The following TGM2 variants were observed in gnomAD, a reference collection of about 807,000 sequenced individuals.
The protein encoded by TGM2 is transglutaminase 2, also known as protein-glutamine gamma-glutamyltransferase 2.
In TGM2, 53 loss-of-function variants were observed where a neutral mutation model predicts 75.6. The observed-to-expected ratio is 0.70, with a 90% CI of 0.56 to 0.88. The LOEUF is 0.88. TGM2 is among the 40% of genes least tolerant of loss of function. TGM2 has a pLI of 0.00. For synonymous variants in TGM2, 374 were observed against 381.1 expected, an observed-to-expected ratio of 0.98 and a Z score of 0.22; for missense variants, 842 against 928.5, an observed-to-expected ratio of 0.91 and a Z score of 1.21.
At chr20:38,146,577 C>T (rs573974374) in intron 6 of TGM2, 140 bp downstream of exon 6, 2 of 1,022,682 alleles carry the variant, frequency 2.0e-6, no homozygotes, top group East Asian at 2.6e-5. Context: ...AGAGGGTGGT[C>T]ACAGGCTCTA....
intron 6 of TGM2, 85 bp downstream of exon 6, chr20:38,146,621 GGGGCAGGACCA>G: frequency 4.1e-6 from 6 of 1,463,186 alleles, no homozygotes; most frequent in Non-Finnish European, 5.7e-6. Context: ...TTGGTGGCAG[GGGGCAGGACCA>G]GGGCAGGGAT....
chr20:38,135,710 G>A (rs1483168869), intron 10 of TGM2, among the ~76,000 whole-genome samples: 2 of 152,248 alleles, frequency 1.3e-5, no homozygotes, highest in African/African-American at 4.8e-5. Context: ...AGGGACACAG[G>A]AACCCCCGAG....
rs142407300 is a variant in TGM2, at chr20:38,146,808, G to A, written c.768C>T (p.Gly256=). 32 of 1,613,888 alleles carry A rather than the reference G, an allele frequency of 2.0e-5. No homozygotes were observed. Among genetic ancestry groups the A allele is most frequent in the Non-Finnish European group, 2.5e-5 (30 of 1,179,972 alleles). The change falls in exon 6 of 13, where the codon GGC becomes GGT. Residue 256 remains glycine, a synonymous_variant. Coordinates refer to ENST00000361475, the MANE Select transcript of TGM2 (RefSeq NM_004613.4). ...TCCAGCGCCGCAGGATGTCCACGCTGCCGATCCAGGACATGGGGCTGACGC... is the reference window on the plus strand; with the variant it reads ...TCCAGCGCCGCAGGATGTCCACGCTACCGATCCAGGACATGGGGCTGACGC... ...GDGVSPMSWI[G]SVDILRRWKN...
chr20:38,147,025 A>C (rs2075054812), intron 5 of TGM2, 131 bp from the exon 6 acceptor site: 1 of 946,610 alleles, frequency 1.1e-6, no homozygotes, highest in Admixed American at 2.1e-5. Flanking sequence ...GAGCAGGTGC[A>C]AAGGGGCCAT....
rs1458111927 is a variant in TGM2, at chr20:38,128,135, G to C, written c.*2084C>G. The C allele has an allele frequency of 6.6e-6, 1 of 152,262 alleles. No individual in the cohort carries two copies. The highest frequency in any genetic ancestry group is 1.5e-5 in the Non-Finnish European group (1 of 68,088). 9.4% of individuals were successfully genotyped at this position (152,262 alleles called of 1,614,324 possible). A position where few individuals can be genotyped will look rare whatever the true frequency, so the allele number is the denominator to read the frequency against. ...GGTGACTTTGGTGTTAAGCATTATA[G>C]GATGAGTAGGAGTTTGCCAAGCAGG... On this transcript the variant is annotated 3_prime_UTR_variant, in exon 13 of 13. Coordinates refer to ENST00000361475, the MANE Select transcript of TGM2 (RefSeq NM_004613.4).
chr20:38,166,937 C>T (rs991407283), upstream of TGM2, among the ~76,000 whole-genome samples: 1 of 152,114 alleles, frequency 6.6e-6, no homozygotes, highest in Non-Finnish European at 1.5e-5. Flanking sequence ...GTCAAGAGGC[C>T]GGGGTTCAAG....
intron 2 of TGM2, among the ~76,000 whole-genome samples, chr20:38,161,048 G>A (rs1045944480): frequency 2.0e-5 from 3 of 151,954 alleles, no homozygotes; most frequent in African/African-American, 4.8e-5. Context: ...CAGGTGATCC[G>A]CCCTCCTCAG....
chr20:38,159,498 A>G (rs780275942), intron 2 of TGM2, among the ~76,000 whole-genome samples: 1 of 151,842 alleles, frequency 6.6e-6, no homozygotes, highest in Non-Finnish European at 1.5e-5. Context: ...ACGTGTACCC[A>G]TGAACCTAAA....
intron 3 of TGM2, among the ~76,000 whole-genome samples, chr20:38,155,605 C>G (rs938907758): frequency 2.6e-5 from 4 of 152,154 alleles, no homozygotes; most frequent in African/African-American, 7.2e-5. Context: ...TCCTCAGCCT[C>G]CCAAAGAACC....
At chr20:38,164,932 C>T (rs1405549692) in intron 1 of TGM2, among the ~76,000 whole-genome samples, 1 of 152,248 alleles carries the variant, frequency 6.6e-6, no homozygotes, top group Non-Finnish European at 1.5e-5. Flanking sequence ...TGCCAGTGGT[C>T]CGCCAGGACA....
At chr20:38,149,632 T>C (rs1263140094) in intron 4 of TGM2, among the ~76,000 whole-genome samples, 5 of 140,604 alleles carry the variant, frequency 3.6e-5, no homozygotes, top group Non-Finnish European at 7.5e-5. Context: ...TGAGCCGAGA[T>C]TGCACCACTG....
Position 38,143,072 on chromosome 20 carries a change from T to C in TGM2, c.860-873A>G, listed in dbSNP as rs374243371. Among the ~76,000 whole-genome samples the C allele has an allele frequency of 5.9e-5, 9 of 152,334 alleles. 1 individual carries two copies. Among genetic ancestry groups the C allele is most frequent in the African/African-American group, 2.2e-4 (9 of 41,584 alleles). On this transcript the variant is annotated intron_variant, in intron 6 of 12. Coordinates refer to ENST00000361475, the MANE Select transcript of TGM2 (RefSeq NM_004613.4). ...GGCCAGTGAGGGATCTGTCTTATGT[T>C]AGATCCTGGAGCCCAGCACAGGCCT...
At position 38,138,214 on chromosome 20, in the gene TGM2, C is replaced by A. The variant is rs1466294197; in HGVS notation, c.1514G>T (p.Cys505Phe). 1 of 1,610,864 alleles carries A rather than the reference C, an allele frequency of 6.2e-7. No individual in the cohort carries two copies. Among genetic ancestry groups the A allele is most frequent in the Admixed American group, 1.7e-5 (1 of 59,400 alleles). The change falls in exon 10 of 13, where the codon TGC (cysteine) becomes TTC (phenylalanine). Residue 505 changes from cysteine to phenylalanine, a missense_variant. Transcript: ENST00000361475. ...GGTGCGGGCACAGAGCAGGAGGCGG[C>A]AGACGTACTCCTCAGCGGTGTTGTT... Reference protein sequence around the residue: ...ITNNTAEEYVCRLLLCARTVS... With the variant: ...ITNNTAEEYVFRLLLCARTVS...
At chr20:38,152,340 A>G (rs1277714950) in intron 3 of TGM2, among the ~76,000 whole-genome samples, 2 of 152,164 alleles carry the variant, frequency 1.3e-5, no homozygotes, top group African/African-American at 4.8e-5. Context: ...AGTGAGGAAA[A>G]ATGGGAAAGA....
intron 9 of TGM2, 42 bp from the exon 10 acceptor site, chr20:38,138,427 G>T (rs762202740): frequency 6.2e-7 from 1 of 1,612,172 alleles, no homozygotes; most frequent in African/African-American, 1.3e-5. Context: ...AGCTGGAATA[G>T]ATCACAGGAA....
At chr20:38,131,629 G>C (rs1445685226) in intron 11 of TGM2, among the ~76,000 whole-genome samples, 1 of 152,144 alleles carries the variant, frequency 6.6e-6, no homozygotes, top group Admixed American at 6.5e-5. Flanking sequence ...GAGGGTTCTT[G>C]TGAGGATTAA....
At chr20:38,158,471 G>C (rs1436916584) in intron 2 of TGM2, among the ~76,000 whole-genome samples, 1 of 151,600 alleles carries the variant, frequency 6.6e-6, no homozygotes, top group Non-Finnish European at 1.5e-5. Flanking sequence ...GCCGGGCTGG[G>C]ATGGGGTGGG....
intron 7 of TGM2, 62 bp downstream of exon 7, chr20:38,142,002 A>T (rs1290350185): frequency 6.2e-7 from 1 of 1,604,438 alleles, no homozygotes; most frequent in African/African-American, 1.3e-5. Flanking sequence ...AAGCCCTCCA[A>T]GGTTTCCTCT....
intron 1 of TGM2, among the ~76,000 whole-genome samples, chr20:38,163,456 T>C (rs144601661): frequency 1.3e-5 from 2 of 152,336 alleles, no homozygotes; most frequent in African/African-American, 2.4e-5. Flanking sequence ...TCCGCTTACA[T>C]AGATGCTATC....
Sources: gnomAD v4.1 joint callset for allele counts (sites outside exome capture counted in the v4.1 genomes callset) on GRCh38, gnomAD v4.1.1 for gene constraint, MANE v1.5 for transcripts, NCBI Gene and HGNC (gene_info 2026-07-23, HGNC 2026-07-21) for gene names.